The following VPS33B variants were observed in gnomAD, a reference collection of about 807,000 sequenced individuals.
The protein encoded by VPS33B is VPS33B late endosome and lysosome associated.
In VPS33B, 80 loss-of-function variants were observed where a neutral mutation model predicts 95.3. The ratio of observed to expected loss-of-function variants is 0.84; its 90% confidence interval spans 0.70 to 1.01. VPS33B has a LOEUF of 1.01. Ranked by LOEUF, VPS33B falls within the 50% of genes least tolerant of loss-of-function variation. VPS33B has a pLI of 0.00. For synonymous variants in VPS33B, 280 were observed against 280.4 expected (o/e 1.00, Z 0.01); for missense variants, 715 against 773.4 (o/e 0.92, Z 0.90).
At chr15:91,022,077 G>T in intron 1 of VPS33B, 77 bp downstream of exon 1, 1 of 1,492,330 alleles carries the variant, frequency 6.7e-7, no homozygotes, top group Non-Finnish European at 9.1e-7. Context: ...AAGATCAAAG[G>T]GGCACGGCAA....
At chr15:91,001,530 C>G (rs1171229623) in intron 18 of VPS33B, 68 bp from the exon 19 acceptor site, 34 of 1,277,164 alleles carry the variant, frequency 2.7e-5, no homozygotes, top group Middle Eastern at 1.8e-4. Context: ...ACAGATAACA[C>G]CATTCAGGAC....
In VPS33B at chr15:91,017,874, T is replaced by C; in HGVS notation, c.108A>G (p.Lys36=). Residue 36 remains lysine (K), a synonymous_variant, in exon 2 of 23, where the codon AAA becomes AAG. Transcript: ENST00000333371. ...GATCTGCCTCAATGAATAAATCCTT[T>C]TTTCCAGGAAGCTGAAGGAGACACA... ...LIYLLEQLPG[K]KDLFIEADLM... 6.2e-7 allele frequency: 1 copy of C among 1,614,062 alleles called. No homozygotes were observed. The highest frequency in any genetic ancestry group is 8.5e-7 in the Non-Finnish European group (1 of 1,179,972).
Position 91,005,174 on chromosome 15 carries a change from C to G in VPS33B, c.1106-55G>C. The stretch of plus-strand genomic sequence containing the variant: ...TGGGGGCCAGCTCAGCTGCTGCCAT[C>G]TATGCTAACAGGTGTCTGTCTCCCC... On this transcript the variant is annotated intron_variant, in intron 14 of 22. Coordinates refer to ENST00000333371, the MANE Select transcript of VPS33B (RefSeq NM_018668.5). The surrounding 1 kb of genome is among the most constrained non-coding windows in gnomAD (Gnocchi z 6.4). 1 of 1,613,902 alleles carries G rather than the reference C, an allele frequency of 6.2e-7. No homozygotes were observed. Among genetic ancestry groups the G allele is most frequent in the South Asian group, 1.1e-5 (1 of 91,050 alleles).
rs570184343 is a variant in VPS33B, at chr15:91,013,983, T to G, written c.290-112A>C. The G allele has an allele frequency of 7.7e-7, 1 of 1,291,416 alleles. No individual in the cohort carries two copies. Among genetic ancestry groups the G allele is most frequent in the Non-Finnish European group, 1.1e-6 (1 of 893,272 alleles). 80.0% of individuals were successfully genotyped at this position (1,291,416 alleles called of 1,614,324 possible). A position where few individuals can be genotyped will look rare whatever the true frequency, so the allele number is the denominator to read the frequency against. On this transcript the variant is annotated intron_variant, in intron 4 of 22. Coordinates refer to ENST00000333371, the MANE Select transcript of VPS33B (RefSeq NM_018668.5). The surrounding 1 kb of genome is among the most constrained non-coding windows in gnomAD (Gnocchi z 4.5). The stretch of plus-strand genomic sequence containing the variant: ...CCTGTAATCCCAGCACTTGGGAGGC[T>G]GAGGCGGGTGGATCACCTGAGGTCA...
chr15:90,999,264 CAA>C lies in VPS33B; in HGVS notation c.1775-212_1775-211del. On this transcript the variant is annotated intron_variant, in intron 22 of 22. Transcript: ENST00000333371. The surrounding 1 kb of genome is among the most constrained non-coding windows in gnomAD (Gnocchi z 5.1). ...TGGCAGCCCAGAGTTAAGGCTATGG[CAA>C]GTTGTATTCTGAGGCCAGGAGAAAA... 1 of 626,120 alleles carries C rather than the reference CAA, an allele frequency of 1.6e-6. No individual in the cohort carries two copies. Among genetic ancestry groups the C allele is most frequent in the Admixed American group, 2.6e-5 (1 of 37,972 alleles). 38.8% of individuals were successfully genotyped at this position (626,120 alleles called of 1,614,324 possible). A position where few individuals can be genotyped will look rare whatever the true frequency, so the allele number is the denominator to read the frequency against.
At chr15:91,003,049 T>C in intron 17 of VPS33B, 36 bp downstream of exon 17, 3 of 1,612,976 alleles carry the variant, frequency 1.9e-6, no homozygotes, top group Non-Finnish European at 2.5e-6. Flanking sequence ...CTGCCCTCCA[T>C]CAAGTTCCCT....
At chr15:91,017,111 C>T (rs1249689900) in intron 2 of VPS33B, 87 bp from the exon 3 acceptor site, 3 of 1,239,398 alleles carry the variant, frequency 2.4e-6, no homozygotes, top group African/African-American at 1.5e-5. Context: ...TTCTTGAGGG[C>T]TTCCTAATTA....
At chr15:91,003,468 C>G (rs1324529917) in intron 16 of VPS33B, among the ~76,000 whole-genome samples, 2 of 152,096 alleles carry the variant, frequency 1.3e-5, no homozygotes, top group Non-Finnish European at 2.9e-5. Flanking sequence ...GAGATGGAGT[C>G]TTGCTCTGTC....
intron 3 of VPS33B, among the ~76,000 whole-genome samples, chr15:91,016,469 C>T (rs550583795): frequency 3.0e-4 from 43 of 144,232 alleles, no homozygotes; most frequent in African/African-American, 7.5e-4. Context: ...TGCAACTCAT[C>T]GCCTCCCGGG....
chr15:91,019,114 G>GTT (rs368381850), intron 1 of VPS33B, among the ~76,000 whole-genome samples: 87 of 87,742 alleles, frequency 9.9e-4, no homozygotes, highest in Admixed American at 1.9e-3. Flanking sequence ...CTCCTGGCCT[G>GTT]TTTTTTTTTT....
In VPS33B at chr15:91,007,322, G is replaced by A; in HGVS notation, c.603+147C>T. 1 of 866,968 alleles carries A rather than the reference G, an allele frequency of 1.2e-6. No homozygotes were observed. The highest frequency in any genetic ancestry group is 1.7e-5 in the African/African-American group (1 of 60,006). 53.7% of individuals were successfully genotyped at this position (866,968 alleles called of 1,614,324 possible). ...TTTTGCTTCTCTGTTAGCCACACAA[G>A]TTCTCCTCTCTGAGGATCTATTCCA... On this transcript the variant is annotated intron_variant, in intron 8 of 22. Transcript: ENST00000333371. The surrounding 1 kb of genome is among the most constrained non-coding windows in gnomAD (Gnocchi z 5.3).
At position 91,007,431 on chromosome 15, in the gene VPS33B, A is replaced by G; in HGVS notation, c.603+38T>C. ...CAGGAGGGTACAGAACAGGGAAAACAGCGTCTGCTGGGACAACAGTACTGC... is the reference window on the plus strand; with the variant it reads ...CAGGAGGGTACAGAACAGGGAAAACGGCGTCTGCTGGGACAACAGTACTGC... On this transcript the variant is annotated intron_variant, in intron 8 of 22. Transcript: ENST00000333371. The surrounding 1 kb of genome is among the most constrained non-coding windows in gnomAD (Gnocchi z 5.3). The G allele has an allele frequency of 6.3e-7, 1 of 1,594,870 alleles. No homozygotes were observed. Among genetic ancestry groups the G allele is most frequent in the African/African-American group, 1.3e-5 (1 of 74,614 alleles).
Position 91,006,867 on chromosome 15 carries a change from G to C in VPS33B, c.700+83C>G, listed in dbSNP as rs56133045. On this transcript the variant is annotated intron_variant, in intron 9 of 22. Coordinates refer to ENST00000333371, the MANE Select transcript of VPS33B (RefSeq NM_018668.5). The surrounding 1 kb of genome is among the most constrained non-coding windows in gnomAD (Gnocchi z 5.4). ...GCTGGGATTCACAGCCCTAACTTTA[G>C]GATTTTAACTTTGCCACCACGCCTT... The C allele has an allele frequency of 1.6e-3, 2,612 of 1,602,064 alleles. 43 individuals are homozygous for C. In the African/African-American group the frequency reaches 0.03, roughly 18 times the overall value.
At position 91,006,842 on chromosome 15, in the gene VPS33B, G is replaced by T. The variant is rs1422925620; in HGVS notation, c.700+108C>A. 5.8e-5 allele frequency: 92 copies of T among 1,585,842 alleles called. No homozygotes were observed. Among genetic ancestry groups the T allele is most frequent in the Non-Finnish European group, 7.2e-5 (83 of 1,154,990 alleles). ...GGGCCAAGGACCCACGCTCCTCAAAGCTGGGATTCACAGCCCTAACTTTAG... is the reference window on the plus strand; with the variant it reads ...GGGCCAAGGACCCACGCTCCTCAAATCTGGGATTCACAGCCCTAACTTTAG... On this transcript the variant is annotated intron_variant, in intron 9 of 22. Transcript: ENST00000333371. The surrounding 1 kb of genome is among the most constrained non-coding windows in gnomAD (Gnocchi z 5.4).
Position 90,999,934 on chromosome 15 carries a change from T to C in VPS33B, c.1623A>G (p.Val541=), listed in dbSNP as rs763886615. 3.7e-6 allele frequency: 6 copies of C among 1,614,192 alleles called. No individual in the cohort carries two copies. Among genetic ancestry groups the C allele is most frequent in the Non-Finnish European group, 4.2e-6 (5 of 1,180,042 alleles). The change falls in exon 21 of 23, where the codon GTA becomes GTG. Residue 541 remains valine (V), a synonymous_variant. Coordinates refer to ENST00000333371, the MANE Select transcript of VPS33B (RefSeq NM_018668.5). The surrounding 1 kb of genome is among the most constrained non-coding windows in gnomAD (Gnocchi z 5.1). ...RRSWQGLDEV[V]RLLNCSDFAF... is the part of the protein sequence containing the mutation. ...CAAAGTCACTGCAGTTGAGCAGCCG[T>C]ACCACCTCATCAAGGCCCTGCCAGC...
In VPS33B at chr15:91,015,592, C is replaced by T. The variant is rs112960728; in HGVS notation, c.240-1159G>A. Among the ~76,000 whole-genome samples the T allele has an allele frequency of 0.035, 5,278 of 151,894 alleles. 291 individuals carry two copies. Among genetic ancestry groups the T allele is most frequent in the African/African-American group, 0.12 (4,969 of 41,446 alleles). On this transcript the variant is annotated intron_variant, in intron 3 of 22. Coordinates refer to ENST00000333371, the MANE Select transcript of VPS33B (RefSeq NM_018668.5). This position sits in a 1 kb window ranked among gnomAD's most constrained non-coding sequence, Gnocchi z 4.7. ...CTACTTGGGAGGCTAAGAAGAATTG[C>T]TTGAACCTGGGAGGCAGATCCCGCC...
chr15:91,013,590 G>C lies in VPS33B; in HGVS notation c.357+214C>G, dbSNP rs142408088. ...ACCCTTCTGCCATGGGATGACCCTC[G>C]CCAGATGCCAGCCCCACAGTCTTGG... is the stretch of plus-strand genomic sequence containing the variant. On this transcript the variant is annotated intron_variant, in intron 5 of 22. Coordinates refer to ENST00000333371, the MANE Select transcript of VPS33B (RefSeq NM_018668.5). This position sits in a 1 kb window ranked among gnomAD's most constrained non-coding sequence, Gnocchi z 4.5. 6.6e-6 allele frequency among the ~76,000 whole-genome samples: 1 copy of C among 152,186 alleles called. No individual in the cohort carries two copies. The highest frequency in any genetic ancestry group is 1.9e-4 in the East Asian group (1 of 5,186).
In VPS33B at chr15:91,017,851, T is replaced by C. The variant is rs778882466; in HGVS notation, c.131A>G (p.Asp44Gly). ...PGKKDLFIEA[D>G]LMSPLDRIAN... ...AATTCGATCCAAAGGGCTCATGAGA[T>C]CTGCCTCAATGAATAAATCCTTTTT... is the stretch of plus-strand genomic sequence containing the variant. Residue 44 changes from aspartate (D) to glycine (G), a missense_variant, in exon 2 of 23, where the codon GAT (aspartate) becomes GGT (glycine). Coordinates refer to ENST00000333371, the MANE Select transcript of VPS33B (RefSeq NM_018668.5). 3.1e-6 allele frequency: 5 copies of C among 1,614,116 alleles called. No homozygotes were observed. The South Asian group carries it at 5.5e-5, about 18-fold the overall frequency.
Position 91,017,849 on chromosome 15 carries a change from G to A in VPS33B, c.133C>T (p.Leu45Phe). Residue 45 changes from leucine to phenylalanine, a missense_variant, in exon 2 of 23, where the codon CTC (leucine) becomes TTC (phenylalanine). Transcript: ENST00000333371. ...GCAATTCGATCCAAAGGGCTCATGA[G>A]ATCTGCCTCAATGAATAAATCCTTT... ...GKKDLFIEAD[L>F]MSPLDRIANV... 6.2e-7 allele frequency: 1 copy of A among 1,614,112 alleles called. No individual in the cohort carries two copies. The highest frequency in any genetic ancestry group is 8.5e-7 in the Non-Finnish European group (1 of 1,180,002).
Sources: gnomAD v4.1 joint callset for allele counts (sites outside exome capture counted in the v4.1 genomes callset) on GRCh38, gnomAD v4.1.1 for gene constraint, Gnocchi (gnomAD v3.1) non-coding constraint, MANE v1.5 for transcripts, NCBI Gene and HGNC (gene_info 2026-07-23, HGNC 2026-07-21) for gene names.